MACROD2: variants seen among roughly 807,000 people sequenced by gnomAD.
The protein encoded by MACROD2 is ADP-ribose glycohydrolase MACROD2.
Under a neutral mutation model 70.4 loss-of-function variants are expected in MACROD2, and 36 were observed. The observed-to-expected ratio is 0.51, with a 90% CI of 0.39 to 0.68. The LOEUF is 0.68. Among genes scored for constraint, MACROD2 ranks in the 30% least tolerant of loss-of-function variants. The pLI is 0.00. For missense variants in MACROD2, 496 were observed against 538.4 expected, an observed-to-expected ratio of 0.92 and a Z score of 0.78; for synonymous variants, 172 against 178.8, an observed-to-expected ratio of 0.96 and a Z score of 0.30.
At chr20:15,969,119 A>C (rs1295712148) in intron 13 of MACROD2, among the ~76,000 whole-genome samples, 1 of 152,060 alleles carries the variant, frequency 6.6e-6, no homozygotes, top group Admixed American at 6.6e-5. Flanking sequence ...CGAGCAGTAG[A>C]TTGGCGGTGG....
In MACROD2 at chr20:15,906,444, C is replaced by T. The variant is rs145502449; in HGVS notation, c.775+20633C>T. 4.6e-3 allele frequency among the ~76,000 whole-genome samples: 705 copies of T among 152,300 alleles called. 2 individuals carry two copies. The highest frequency in any genetic ancestry group is 0.01 in the Middle Eastern group (3 of 294). On this transcript the variant is annotated intron_variant, in intron 10 of 17. Coordinates refer to ENST00000684519, the MANE Select transcript of MACROD2 (RefSeq NM_001351661.2). ...CCAATCTACTGTTTCTATCCCCAAA[C>T]ATTTAACTGAGCATTTTCTACAAAT... is the stretch of plus-strand genomic sequence containing the variant.
At chr20:15,421,834 C>T (rs985672273) in intron 6 of MACROD2, among the ~76,000 whole-genome samples, 2 of 152,136 alleles carry the variant, frequency 1.3e-5, no homozygotes, top group African/African-American at 4.8e-5. Context: ...AAGCAAACAA[C>T]TGTGTGTCAG....
At chr20:14,632,397 A>G (rs192599556) in intron 4 of MACROD2, among the ~76,000 whole-genome samples, 2 of 152,288 alleles carry the variant, frequency 1.3e-5, no homozygotes. Flanking sequence ...GTAAAAACAA[A>G]TTTGTAAAAT....
chr20:14,457,307 T>A (rs2084315337), intron 3 of MACROD2, among the ~76,000 whole-genome samples: 1 of 152,120 alleles, frequency 6.6e-6, no homozygotes, highest in Admixed American at 6.5e-5. Flanking sequence ...ATCAACACAC[T>A]GGGATTTACA....
chr20:16,043,277 C>T (rs2067332391), intron 16 of MACROD2, among the ~76,000 whole-genome samples: 1 of 151,998 alleles, frequency 6.6e-6, no homozygotes, highest in African/African-American at 2.4e-5. Context: ...TGGTTGGTCC[C>T]AAGTTGGAAG....
At chr20:14,169,062 A>G (rs2081195784) in intron 3 of MACROD2, among the ~76,000 whole-genome samples, 1 of 152,234 alleles carries the variant, frequency 6.6e-6, no homozygotes, top group African/African-American at 2.4e-5. Context: ...ACACAAGTCA[A>G]TAAATGTGAT....
At chr20:14,205,338 A>G (rs1301390945) in intron 3 of MACROD2, among the ~76,000 whole-genome samples, 3 of 152,230 alleles carry the variant, frequency 2.0e-5, no homozygotes, top group East Asian at 3.8e-4. Context: ...GCAAGTGGAC[A>G]TTGAAGAATG....
intron 5 of MACROD2, among the ~76,000 whole-genome samples, chr20:15,115,155 A>G (rs1354525107): frequency 6.6e-6 from 1 of 152,118 alleles, no homozygotes; most frequent in East Asian, 1.9e-4. Flanking sequence ...AAAAATTCCT[A>G]TTGATACATA....
intron 5 of MACROD2, among the ~76,000 whole-genome samples, chr20:15,173,091 T>C (rs117524509): frequency 0.01 from 1,597 of 152,118 alleles, 12 homozygotes; most frequent in South Asian, 0.017. Flanking sequence ...TGTTAAACTT[T>C]TTTTATCTTT....
intron 9 of MACROD2, among the ~76,000 whole-genome samples, chr20:15,870,054 A>G (rs2064558216): frequency 6.6e-6 from 1 of 152,030 alleles, no homozygotes; most frequent in Non-Finnish European, 1.5e-5. Context: ...TTAAAACGAA[A>G]CAAATCAAGA....
chr20:15,071,995 A>C (rs2075622624), intron 5 of MACROD2, among the ~76,000 whole-genome samples: 1 of 152,156 alleles, frequency 6.6e-6, no homozygotes, highest in Non-Finnish European at 1.5e-5. Context: ...TGTGTTTTGT[A>C]ACTCAGAAAA....
At chr20:15,065,384 G>A (rs979471925) in intron 5 of MACROD2, among the ~76,000 whole-genome samples, 4 of 152,108 alleles carry the variant, frequency 2.6e-5, no homozygotes, top group Admixed American at 1.3e-4. Context: ...GGCAGGGCGC[G>A]GTGGCTCACG....
At chr20:15,375,428 G>A (rs1361912095) in intron 6 of MACROD2, among the ~76,000 whole-genome samples, 2 of 152,034 alleles carry the variant, frequency 1.3e-5, no homozygotes, top group Non-Finnish European at 2.9e-5. Context: ...GTAATTGTGC[G>A]GTAATTTGGT....
chr20:15,530,504 G>A (rs534255355), intron 8 of MACROD2, among the ~76,000 whole-genome samples: 83 of 151,956 alleles, frequency 5.5e-4, no homozygotes, highest in African/African-American at 2.0e-3. Context: ...AGGCTGAGGC[G>A]GGCGGATCAC....
chr20:15,176,440 G>A (rs972268608), intron 5 of MACROD2, among the ~76,000 whole-genome samples: 2 of 152,092 alleles, frequency 1.3e-5, no homozygotes, highest in African/African-American at 4.8e-5. Context: ...TAATCAGCAT[G>A]CACTTCCTCC....
In MACROD2 at chr20:14,359,143, G is replaced by A. The variant is rs144494978; in HGVS notation, c.272-134336G>A. 1.5e-3 allele frequency among the ~76,000 whole-genome samples: 224 copies of A among 152,158 alleles called. 1 individual carries two copies. The highest frequency in any genetic ancestry group is 5.0e-3 in the African/African-American group (206 of 41,530). On this transcript the variant is annotated intron_variant, in intron 3 of 17. Transcript: ENST00000684519. ...GTAGAGGTTACAGTGAGCCAAGATC[G>A]CACCACTGCAATACAGCCTGGGCGA...
intron 8 of MACROD2, among the ~76,000 whole-genome samples, chr20:15,730,436 C>T (rs984150891): frequency 2.0e-5 from 3 of 152,154 alleles, no homozygotes; most frequent in African/African-American, 7.2e-5. Flanking sequence ...AAGAATCTTA[C>T]TTCTTCACTT....
chr20:15,857,128 A>T (rs1414651568), intron 8 of MACROD2, among the ~76,000 whole-genome samples: 3 of 152,182 alleles, frequency 2.0e-5, no homozygotes, highest in African/African-American at 7.2e-5. Flanking sequence ...GATCTTATAC[A>T]ATTGTGGGAG....
intron 10 of MACROD2, among the ~76,000 whole-genome samples, chr20:15,908,484 A>C (rs1036836495): frequency 6.6e-6 from 1 of 152,106 alleles, no homozygotes; most frequent in African/African-American, 2.4e-5. Flanking sequence ...AAAATATCCC[A>C]TATTAAACTT....
Sources: allele counts gnomAD v4.1 joint callset (sites outside exome capture counted in the v4.1 genomes callset), GRCh38; gene constraint gnomAD v4.1.1; transcripts MANE v1.5; gene names NCBI Gene and HGNC (gene_info 2026-07-23, HGNC 2026-07-21).